Variants in CASD1 observed in about 807,000 individuals in gnomAD.
The protein encoded by CASD1 is N-acetylneuraminate (7)9-O-acetyltransferase.
Under a neutral mutation model 100.0 loss-of-function variants are expected in CASD1, and 41 were observed. The ratio of observed to expected loss-of-function variants is 0.41; its 90% CI spans 0.32 to 0.53. CASD1 has a LOEUF of 0.53. Among genes scored for constraint, CASD1 ranks in the 20% least tolerant of loss-of-function variants. CASD1 has a pLI of 0.25. For synonymous variants in CASD1, 321 were observed against 315.6 expected, an observed-to-expected ratio of 1.02 and a Z score of -0.18; for missense variants, 774 against 948.7, an observed-to-expected ratio of 0.82 and a Z score of 2.42.
the CASD1 span, chr7:94,590,834 T>A: frequency 1.3e-5 from 2 of 152,316 alleles, no homozygotes; most frequent in South Asian, 2.1e-4. Flanking sequence ...TGATATGAAT[T>A]ATTTCAGCCA....
At chr7:94,587,146 A>G in the CASD1 span, 19 of 984,228 alleles carry the variant, frequency 1.9e-5, no homozygotes, top group South Asian at 9.4e-5. Context: ...CCCCTAGGAA[A>G]ACTCTTTGGC....
chr7:94,540,584 C>T (rs1366509651), intron 10 of CASD1, among the ~76,000 whole-genome samples: 1 of 151,966 alleles, frequency 6.6e-6, no homozygotes, highest in African/African-American at 2.4e-5. Flanking sequence ...CAGTGAAATT[C>T]CTGTGATGCT....
intron 5 of CASD1, among the ~76,000 whole-genome samples, chr7:94,530,343 G>A (rs568742517): frequency 6.6e-6 from 1 of 152,120 alleles, no homozygotes; most frequent in Non-Finnish European, 1.5e-5. Flanking sequence ...CATACAAAAT[G>A]CTTCTTTATG....
In CASD1 at chr7:94,513,808, C is replaced by A. The variant is rs116999940; in HGVS notation, c.133+3591C>A. 6.1e-3 allele frequency among the ~76,000 whole-genome samples: 924 copies of A among 152,220 alleles called. 2 individuals are homozygous for A. The highest frequency in any genetic ancestry group is 0.01 in the Non-Finnish European group (711 of 67,990). ...CAAAGTCCTTATTTCCTTTTATGTT[C>A]TTTTGTGGCTTTAATTGAATTTCAT... is the stretch of plus-strand genomic sequence containing the variant. On this transcript the variant is annotated intron_variant, in intron 1 of 17. Coordinates refer to ENST00000297273, the MANE Select transcript of CASD1 (RefSeq NM_022900.5).
chr7:94,568,512 T>A, the CASD1 span, among the ~76,000 whole-genome samples: 1 of 152,084 alleles, frequency 6.6e-6, no homozygotes, highest in Non-Finnish European at 1.5e-5. Context: ...CAAAAACAAG[T>A]AAATCCAAAG....
intron 7 of CASD1, among the ~76,000 whole-genome samples, chr7:94,534,600 A>G (rs1421690249): frequency 6.6e-6 from 1 of 152,130 alleles, no homozygotes. Context: ...TCATTTTAGG[A>G]ATTTATTGAA....
the CASD1 span, chr7:94,589,958 C>G: frequency 6.6e-6 from 1 of 152,316 alleles, no homozygotes; most frequent in Non-Finnish European, 1.5e-5. Context: ...TGCCAAAAAG[C>G]TTGGGGACCA....
intron 7 of CASD1, among the ~76,000 whole-genome samples, chr7:94,534,191 GGGTCTTGC>G (rs1794998219): frequency 6.3e-5 from 8 of 126,016 alleles, no homozygotes; most frequent in Middle Eastern, 0.012. Context: ...TTTTGAGACA[GGGTCTTGC>G]TCTCTTTCCC....
intron 5 of CASD1, among the ~76,000 whole-genome samples, chr7:94,531,049 A>T (rs1794827531): frequency 6.6e-6 from 1 of 152,156 alleles, no homozygotes; most frequent in South Asian, 2.1e-4. Flanking sequence ...ACTTAAGTTG[A>T]GGCATAAATG....
chr7:94,542,656 A>G (rs1028746021), intron 10 of CASD1, among the ~76,000 whole-genome samples: 4 of 152,186 alleles, frequency 2.6e-5, no homozygotes, highest in African/African-American at 7.2e-5. Context: ...GAAAAGGATC[A>G]TTATAGCAGT....
the CASD1 span, chr7:94,588,378 A>G: frequency 8.7e-7 from 1 of 1,149,792 alleles, no homozygotes; most frequent in Middle Eastern, 3.8e-4. Flanking sequence ...CAAGCTAAGA[A>G]TCTTTCATAC....
At chr7:94,540,222 TA>T (rs1371979780) in intron 10 of CASD1, among the ~76,000 whole-genome samples, 1 of 152,208 alleles carries the variant, frequency 6.6e-6, no homozygotes, top group Admixed American at 6.6e-5. Context: ...AAAATATGTT[TA>T]AAAATTTTAA....
rs759759915 is a variant in CASD1, at chr7:94,554,501, A to G, written c.2053A>G (p.Ile685Val). ...TCTTTAGATTTTAGCCTTCATCCTA[A>G]TAAGAAACATCCCTGGATATGCCCG... ...SVVQILAFILIRNIPGYARSV... is the reference protein window; with the variant it reads ...SVVQILAFILVRNIPGYARSV... The change falls in exon 17 of 18, where the codon ATA (isoleucine) becomes GTA (valine). Residue 685 changes from isoleucine (I) to valine (V), a missense_variant. Around this residue, in one of 5 missense-constraint regions of CASD1, gnomAD observed 175 missense variants for 206.9 expected, o/e 0.85. Coordinates refer to ENST00000297273, the MANE Select transcript of CASD1 (RefSeq NM_022900.5). 11 of 1,610,096 alleles carry G rather than the reference A, an allele frequency of 6.8e-6. No individual in the cohort carries two copies. In the African/African-American group the frequency reaches 1.3e-4, roughly 20 times the overall value.
chr7:94,510,178 C>T lies in CASD1; in HGVS notation c.94C>T (p.Leu32=). Residue 32 remains leucine (L), a synonymous_variant, in exon 1 of 18, where the codon CTG becomes TTG. Transcript: ENST00000297273. ...GGTGCTGGCGCTGGTGGCCGTGCTGCTGCTCGCAGCGTGCCACCTCGCCTC... is the reference window on the plus strand; with the variant it reads ...GGTGCTGGCGCTGGTGGCCGTGCTGTTGCTCGCAGCGTGCCACCTCGCCTC... ...AKVLALVAVL[L]LAACHLASRR... 2 of 1,519,070 alleles carry T rather than the reference C, an allele frequency of 1.3e-6. No individual in the cohort carries two copies. Among genetic ancestry groups the T allele is most frequent in the Non-Finnish European group, 8.8e-7 (1 of 1,132,666 alleles). The allele number at this position is 1,519,070 out of a possible 1,614,324, so 94.1% of individuals were successfully genotyped here.
chr7:94,613,084 A>G, the CASD1 span, among the ~76,000 whole-genome samples: 4 of 152,206 alleles, frequency 2.6e-5, no homozygotes, highest in African/African-American at 9.6e-5. Flanking sequence ...TACTGGCTAA[A>G]TGAATGCATG....
chr7:94,531,242 A>G (rs114254068), intron 5 of CASD1, among the ~76,000 whole-genome samples: 155 of 152,244 alleles, frequency 1.0e-3, no homozygotes, highest in African/African-American at 3.5e-3. Context: ...GTTGGAGGAC[A>G]TAATTCATGG....
chr7:94,618,447 A>G, the CASD1 span: 3 of 261,642 alleles, frequency 1.1e-5, no homozygotes, highest in Admixed American at 5.2e-5. Context: ...TGGGGCGTCA[A>G]TTTCCTTTGA....
chr7:94,525,865 T>A (rs1019623244), intron 3 of CASD1, among the ~76,000 whole-genome samples: 3 of 152,146 alleles, frequency 2.0e-5, no homozygotes, highest in African/African-American at 7.2e-5. Context: ...ACTATTTGTC[T>A]GTTTGAATTA....
At chr7:94,587,272 T>G in the CASD1 span, 1 of 987,108 alleles carries the variant, frequency 1.0e-6, no homozygotes, top group Non-Finnish European at 1.2e-6. Flanking sequence ...CTAAACAAAT[T>G]GCCCTAATAT....
Sources: allele counts gnomAD v4.1 joint callset (sites outside exome capture counted in the v4.1 genomes callset), GRCh38; gene constraint gnomAD v4.1.1; regional missense constraint gnomAD v4.1.1; transcripts MANE v1.5; gene names NCBI Gene and HGNC (gene_info 2026-07-23, HGNC 2026-07-21).